The following SLIT3 variants were observed in gnomAD, a reference collection of about 807,000 sequenced individuals.
SLIT3 encodes slit guidance ligand 3, also known as slit homolog 3 protein.
A neutral mutation model predicts 184.0 loss-of-function variants in SLIT3; 68 were observed. That is an observed-to-expected ratio of 0.37 (90% CI 0.30 to 0.45). The LOEUF is 0.45. Ranked by LOEUF, SLIT3 falls within the 20% of genes least tolerant of loss-of-function variation. SLIT3 has a pLI of 1.00. For missense variants in SLIT3, 1,707 were observed against 2,026.0 expected, an observed-to-expected ratio of 0.84 and a Z score of 3.02; for synonymous variants, 831 against 828.6, an observed-to-expected ratio of 1.00 and a Z score of -0.05.
chr5:168,864,507 G>A (rs1411845091), intron 5 of SLIT3, among the ~76,000 whole-genome samples: 1 of 152,194 alleles, frequency 6.6e-6, no homozygotes, highest in Non-Finnish European at 1.5e-5. Context: ...ATTTATCAAA[G>A]TTAAATTGAT....
chr5:168,751,303 A>G (rs1754693157), intron 18 of SLIT3, among the ~76,000 whole-genome samples: 1 of 152,176 alleles, frequency 6.6e-6, no homozygotes, highest in South Asian at 2.1e-4. Context: ...CTGCCTTCTA[A>G]AGGGTCTTTG....
chr5:168,883,306 G>T lies in SLIT3; in HGVS notation c.444C>A (p.Ile148=). Reference sequence around the variant, plus strand: ...TGATGCCGCGGAACGCCTTCCTCGGGATCCCCTGGATCTGGTTTTCACTCA... The same window carrying T: ...TGATGCCGCGGAACGCCTTCCTCGGTATCCCCTGGATCTGGTTTTCACTCA... ...LDLSENQIQG[I]PRKAFRGITD... is the part of the protein sequence containing the mutation. The change falls in exon 5 of 36, where the codon ATC becomes ATA. Residue 148 remains isoleucine (I), a synonymous_variant. Transcript: ENST00000519560. 1 of 1,614,080 alleles carries T rather than the reference G, an allele frequency of 6.2e-7. No individual in the cohort carries two copies. The highest frequency in any genetic ancestry group is 8.5e-7 in the Non-Finnish European group (1 of 1,179,912).
At chr5:169,282,044 G>A (rs189743671) in intron 1 of SLIT3, among the ~76,000 whole-genome samples, 9 of 152,352 alleles carry the variant, frequency 5.9e-5, no homozygotes, top group Admixed American at 4.6e-4. Flanking sequence ...TAGTACTGAA[G>A]TGAGAAAGCC....
At chr5:168,917,640 G>A (rs1761487925) in intron 4 of SLIT3, among the ~76,000 whole-genome samples, 1 of 152,148 alleles carries the variant, frequency 6.6e-6, no homozygotes, top group Non-Finnish European at 1.5e-5. Flanking sequence ...CCTGGAGTCT[G>A]TTGTAATGTT....
chr5:169,062,210 A>T (rs978511964), intron 4 of SLIT3, among the ~76,000 whole-genome samples: 1 of 152,150 alleles, frequency 6.6e-6, no homozygotes, highest in Non-Finnish European at 1.5e-5. Context: ...CATAAATAAA[A>T]AATAAAGAAT....
rs139430839 is a variant in SLIT3 at position 169,223,463 on chromosome 5, G to A, written c.341+21242C>T. Among the ~76,000 whole-genome samples, 313 of 152,292 alleles carry A rather than the reference G, an allele frequency of 2.1e-3. 1 individual carries two copies. Among genetic ancestry groups the A allele is most frequent in the Admixed American group, 4.4e-3 (68 of 15,296 alleles). On this transcript the variant is annotated intron_variant, in intron 3 of 35. Coordinates refer to ENST00000519560, the MANE Select transcript of SLIT3 (RefSeq NM_003062.4). ...TGGCGTTTAGCAGCGTAGGTGTCCT[G>A]CCAAGTCAAACAAAAGTGATAGAGA...
At chr5:168,905,049 C>T (rs1761000032) in intron 4 of SLIT3, among the ~76,000 whole-genome samples, 1 of 152,096 alleles carries the variant, frequency 6.6e-6, no homozygotes, top group African/African-American at 2.4e-5. Flanking sequence ...TGGCAGCGTG[C>T]ACCTGTAGTC....
At chr5:169,004,602 T>G (rs1755844891) in intron 4 of SLIT3, among the ~76,000 whole-genome samples, 1 of 152,130 alleles carries the variant, frequency 6.6e-6, no homozygotes, top group Admixed American at 6.5e-5. Flanking sequence ...GCTACGTAGC[T>G]TTGGGACTAC....
chr5:169,267,598 A>G (rs1449606854), intron 1 of SLIT3, among the ~76,000 whole-genome samples: 1 of 152,238 alleles, frequency 6.6e-6, no homozygotes, highest in Non-Finnish European at 1.5e-5. Context: ...AATTGGAATG[A>G]CCATATGATT....
chr5:168,970,788 AC>A (rs1358035215), intron 4 of SLIT3, among the ~76,000 whole-genome samples: 1 of 152,110 alleles, frequency 6.6e-6, no homozygotes, highest in Non-Finnish European at 1.5e-5. Flanking sequence ...CCATTTCATC[AC>A]TTCCTGGCTA....
At chr5:168,892,642 G>C (rs1406780129) in intron 4 of SLIT3, among the ~76,000 whole-genome samples, 1 of 152,178 alleles carries the variant, frequency 6.6e-6, no homozygotes, top group Non-Finnish European at 1.5e-5. Flanking sequence ...TGCAGCCATA[G>C]GATTTAATCT....
chr5:168,746,265 G>GGGTGC (rs1763796274), intron 20 of SLIT3, among the ~76,000 whole-genome samples: 1 of 149,482 alleles, frequency 6.7e-6, no homozygotes, highest in Non-Finnish European at 1.5e-5. Flanking sequence ...AGATGTGTGT[G>GGGTGC]GGTGTGGTGA....
At chr5:169,054,999 C>T (rs1165634444) in intron 4 of SLIT3, among the ~76,000 whole-genome samples, 1 of 152,080 alleles carries the variant, frequency 6.6e-6, no homozygotes, top group African/African-American at 2.4e-5. Context: ...GCCCTCATGC[C>T]TAGCATATGG....
At chr5:168,881,661 C>T (rs565583146) in intron 5 of SLIT3, among the ~76,000 whole-genome samples, 2 of 152,264 alleles carry the variant, frequency 1.3e-5, no homozygotes, top group African/African-American at 4.8e-5. Flanking sequence ...TGTGAACAGT[C>T]TTGAGTTCTT....
chr5:168,875,466 T>C (rs543827529), intron 5 of SLIT3, among the ~76,000 whole-genome samples: 13 of 152,060 alleles, frequency 8.5e-5, no homozygotes, highest in African/African-American at 2.9e-4. Context: ...ACACTGTCTC[T>C]ACTAAAAATC....
At chr5:168,888,443 GCAACAGAAGGAACC>G (rs1760305534) in intron 4 of SLIT3, among the ~76,000 whole-genome samples, 1 of 152,240 alleles carries the variant, frequency 6.6e-6, no homozygotes, top group Non-Finnish European at 1.5e-5. Context: ...GGACCCAGTA[GCAACAGAAGGAACC>G]CAAGGGGATC....
chr5:169,156,013 G>C (rs1268451640), intron 4 of SLIT3, among the ~76,000 whole-genome samples: 1 of 152,130 alleles, frequency 6.6e-6, no homozygotes, highest in Non-Finnish European at 1.5e-5. Flanking sequence ...GCATATTAAA[G>C]GTTCTTCAAA....
At chr5:168,882,570 G>A (rs1759995952) in intron 5 of SLIT3, among the ~76,000 whole-genome samples, 1 of 152,224 alleles carries the variant, frequency 6.6e-6, no homozygotes, top group African/African-American at 2.4e-5. Flanking sequence ...AAGGTCTGTG[G>A]ATTGTACCAA....
chr5:168,945,485 C>T (rs934850223), intron 4 of SLIT3, among the ~76,000 whole-genome samples: 3 of 152,182 alleles, frequency 2.0e-5, no homozygotes, highest in African/African-American at 7.2e-5. Flanking sequence ...ATCTGCCTAC[C>T]TCAGCCTCCC....
Sources: allele counts gnomAD v4.1 joint callset (sites outside exome capture counted in the v4.1 genomes callset), GRCh38; gene constraint gnomAD v4.1.1; transcripts MANE v1.5; gene names NCBI Gene and HGNC (gene_info 2026-07-23, HGNC 2026-07-21).